ROBO2: variants seen among roughly 807,000 people sequenced by gnomAD.
The protein encoded by ROBO2 is roundabout homolog 2.
A neutral mutation model predicts 160.8 loss-of-function variants in ROBO2; 53 were observed. The observed-to-expected ratio is 0.33, with a 90% CI of 0.26 to 0.41. The LOEUF is 0.41. ROBO2 is among the 10% of genes least tolerant of loss of function. The probability of loss-of-function intolerance (pLI) is 1.00; values close to 1 mark genes in which losing one functional copy is unlikely to be tolerated. For missense variants in ROBO2, 1,577 were observed against 1,722.4 expected (o/e 0.92, Z 1.49); for synonymous variants, 664 against 611.7 (o/e 1.09, Z -1.26).
At chr3:76,044,731 A>C (rs923714927) in intron 2 of ROBO2, among the ~76,000 whole-genome samples, 1 of 152,066 alleles carries the variant, frequency 6.6e-6, no homozygotes, top group African/African-American at 2.4e-5. Flanking sequence ...GCATAAATAA[A>C]ATACTCTGGG....
chr3:76,615,926 G>C (rs571854221), intron 2 of ROBO2, among the ~76,000 whole-genome samples: 2 of 152,212 alleles, frequency 1.3e-5, no homozygotes, highest in East Asian at 3.9e-4. Context: ...AATTTACAAA[G>C]CCAGCAAGTG....
intron 1 of ROBO2, among the ~76,000 whole-genome samples, chr3:75,921,366 A>G (rs1947042635): frequency 6.6e-6 from 1 of 151,998 alleles, no homozygotes; most frequent in African/African-American, 2.4e-5. Flanking sequence ...ACACACACAC[A>G]CACATTGCAT....
chr3:77,495,977 C>A (rs1281816883), intron 5 of ROBO2, among the ~76,000 whole-genome samples: 1 of 152,190 alleles, frequency 6.6e-6, no homozygotes, highest in Non-Finnish European at 1.5e-5. Context: ...TTCTCTAAAT[C>A]TTGCCAAATT....
chr3:76,759,371 A>C (rs2061168469), intron 2 of ROBO2, among the ~76,000 whole-genome samples: 1 of 151,840 alleles, frequency 6.6e-6, no homozygotes, highest in African/African-American at 2.4e-5. Flanking sequence ...ATATTTTTTG[A>C]CAACAATTTC....
chr3:77,481,369 C>A, intron 4 of ROBO2, 150 bp downstream of exon 4: 1 of 559,578 alleles, frequency 1.8e-6, no homozygotes. Flanking sequence ...TGTTTTCTGT[C>A]TTTCTAATGA....
intron 2 of ROBO2, among the ~76,000 whole-genome samples, chr3:76,130,469 T>C (rs1051253018): frequency 2.0e-5 from 3 of 152,108 alleles, no homozygotes; most frequent in African/African-American, 7.2e-5. Flanking sequence ...CCCTAGGATA[T>C]TATATCATTT....
intron 2 of ROBO2, among the ~76,000 whole-genome samples, chr3:76,751,746 C>A (rs1462708239): frequency 6.6e-6 from 1 of 152,106 alleles, no homozygotes; most frequent in African/African-American, 2.4e-5. Flanking sequence ...AATGAGATAC[C>A]ATCTCACACC....
At chr3:76,375,540 GC>G (rs2076300889) in intron 2 of ROBO2, among the ~76,000 whole-genome samples, 1 of 151,922 alleles carries the variant, frequency 6.6e-6, no homozygotes, top group African/African-American at 2.4e-5. Flanking sequence ...GGAAAAGAAA[GC>G]CTACAGCTAA....
At chr3:77,227,246 G>T (rs771975987) in intron 2 of ROBO2, among the ~76,000 whole-genome samples, 17 of 152,148 alleles carry the variant, frequency 1.1e-4, no homozygotes, top group Admixed American at 3.9e-4. Flanking sequence ...AAATGATATT[G>T]CAGGTGGTCA....
At chr3:77,059,750 T>G (rs572257920) in intron 1 of ROBO2, among the ~76,000 whole-genome samples, 1 of 152,298 alleles carries the variant, frequency 6.6e-6, no homozygotes, top group South Asian at 2.1e-4. Flanking sequence ...CATCACTCTC[T>G]GTCACTGTCT....
In ROBO2 at chr3:75,997,989, T is replaced by C. The variant is rs1038028050; in HGVS notation, c.109+60387T>C. Among the ~76,000 whole-genome samples, 9 of 152,292 alleles carry C rather than the reference T, an allele frequency of 5.9e-5. No homozygotes were observed. In the South Asian group the frequency reaches 1.2e-3, roughly 21 times the overall value. On this transcript the variant is annotated intron_variant, in intron 2 of 26. Coordinates refer to the ROBO2 transcript ENST00000487694. ...TTCCAAAGTCTTATGACATCTAAGATGAAATGATAATAGATAATTTCATTA... is the reference window on the plus strand; with the variant it reads ...TTCCAAAGTCTTATGACATCTAAGACGAAATGATAATAGATAATTTCATTA...
At chr3:76,813,773 A>G (rs1484465850) in intron 2 of ROBO2, among the ~76,000 whole-genome samples, 1 of 152,104 alleles carries the variant, frequency 6.6e-6, no homozygotes, top group African/African-American at 2.4e-5. Flanking sequence ...CATTTTCTGC[A>G]TTAGAGATAA....
chr3:75,971,360 G>C (rs1559794076), intron 2 of ROBO2, among the ~76,000 whole-genome samples: 2 of 151,570 alleles, frequency 1.3e-5, no homozygotes, highest in East Asian at 3.9e-4. Context: ...AGTAATATTT[G>C]AGTGATGAAG....
intron 2 of ROBO2, among the ~76,000 whole-genome samples, chr3:76,670,581 A>G (rs1223150040): frequency 6.6e-6 from 1 of 152,042 alleles, no homozygotes. Context: ...TGCATTCTTC[A>G]TTCATACTGA....
chr3:76,880,054 A>C (rs1031172716), intron 2 of ROBO2, among the ~76,000 whole-genome samples: 3 of 152,150 alleles, frequency 2.0e-5, no homozygotes, highest in African/African-American at 7.2e-5. Flanking sequence ...TTATGGTCAT[A>C]CATAATTCAT....
intron 12 of ROBO2, among the ~76,000 whole-genome samples, chr3:77,565,921 A>G (rs931507193): frequency 2.0e-5 from 3 of 152,112 alleles, no homozygotes; most frequent in Non-Finnish European, 4.4e-5. Flanking sequence ...GCTACATTAT[A>G]GTTTCCCTTC....
intron 1 of ROBO2, among the ~76,000 whole-genome samples, chr3:75,910,366 G>A (rs770264773): frequency 9.2e-5 from 14 of 152,156 alleles, no homozygotes; most frequent in Non-Finnish European, 1.8e-4. Context: ...TGCCTATGAG[G>A]TCATGCTTTC....
intron 2 of ROBO2, among the ~76,000 whole-genome samples, chr3:76,805,065 T>G (rs1455348723): frequency 6.6e-6 from 1 of 152,232 alleles, no homozygotes; most frequent in South Asian, 2.1e-4. Context: ...GTTTTAAACA[T>G]TTTCAATGCT....
intron 2 of ROBO2, among the ~76,000 whole-genome samples, chr3:76,280,995 C>T (rs996425105): frequency 6.6e-6 from 1 of 151,932 alleles, no homozygotes; most frequent in African/African-American, 2.4e-5. Context: ...GTGCTGAAAG[C>T]TTGAAAGTCA....
Sources: gnomAD v4.1 joint callset for allele counts (sites outside exome capture counted in the v4.1 genomes callset) on GRCh38, gnomAD v4.1.1 for gene constraint, MANE v1.5 for transcripts, NCBI Gene and HGNC (gene_info 2026-07-23, HGNC 2026-07-21) for gene names.